The following PNKD variants were observed in gnomAD, a reference collection of about 807,000 sequenced individuals.
PNKD encodes the protein PNKD metallo-beta-lactamase domain containing.
A neutral mutation model predicts 45.3 loss-of-function variants in PNKD; 36 were observed. The ratio of observed to expected loss-of-function variants is 0.80; its 90% CI spans 0.61 to 1.05. PNKD has a LOEUF of 1.05. Ranked by LOEUF, PNKD falls within the 50% of genes least tolerant of loss-of-function variation. The pLI is 0.00. For missense variants in PNKD, 511 were observed against 506.6 expected (o/e 1.01, Z -0.08); for synonymous variants, 197 against 210.1 (o/e 0.94, Z 0.54).
At chr2:218,286,148 C>G (rs917872245) in intron 2 of PNKD, 3 of 152,944 alleles carry the variant, frequency 2.0e-5, no homozygotes, top group African/African-American at 7.2e-5. Flanking sequence ...AAGGTCCCCA[C>G]TGGAAGCCTG....
At chr2:218,279,521 C>T (rs1296859608) in intron 2 of PNKD, 2 of 568,230 alleles carry the variant, frequency 3.5e-6, no homozygotes, top group African/African-American at 3.8e-5. Context: ...TGCACTTCTT[C>T]CTCAGCCCCG....
intron 2 of PNKD, among the ~76,000 whole-genome samples, chr2:218,337,388 G>A (rs574085884): frequency 3.9e-5 from 6 of 152,168 alleles, no homozygotes; most frequent in South Asian, 4.1e-4. Flanking sequence ...TTCTTAATAC[G>A]TGCACATTCT....
intron 2 of PNKD, among the ~76,000 whole-genome samples, chr2:218,297,185 T>C (rs1423505934): frequency 1.3e-5 from 2 of 152,118 alleles, no homozygotes; most frequent in African/African-American, 2.4e-5. Flanking sequence ...GAATGATAGA[T>C]GTGTGGGGGA....
intron 2 of PNKD, among the ~76,000 whole-genome samples, chr2:218,314,791 G>A (rs1378440604): frequency 6.6e-6 from 1 of 151,902 alleles, no homozygotes; most frequent in South Asian, 2.1e-4. Context: ...CTGGGTTCAA[G>A]CGATTTCTTG....
intron 2 of PNKD, among the ~76,000 whole-genome samples, chr2:218,299,636 GAGACA>G: frequency 7.0e-6 from 1 of 143,242 alleles, no homozygotes; most frequent in East Asian, 2.0e-4. Context: ...TTTTTTTTTT[GAGACA>G]GAGTTTTGCT....
At chr2:218,277,814 C>A in intron 2 of PNKD, 2 of 1,540,644 alleles carry the variant, frequency 1.3e-6, no homozygotes, top group East Asian at 2.3e-5. Flanking sequence ...TCAGAACAGG[C>A]GGCCCAGATA....
intron 2 of PNKD, among the ~76,000 whole-genome samples, chr2:218,299,944 A>C (rs1260187160): frequency 6.6e-6 from 1 of 151,920 alleles, no homozygotes; most frequent in African/African-American, 2.4e-5. Flanking sequence ...TTTTGTAAAG[A>C]TGGGGTCTCC....
intron 2 of PNKD, chr2:218,286,002 G>A (rs1175901761): frequency 6.5e-6 from 1 of 154,902 alleles, no homozygotes; most frequent in Non-Finnish European, 1.5e-5. Flanking sequence ...AAGGGTGGAG[G>A]CTAGAGAAGA....
intron 2 of PNKD, chr2:218,275,475 T>G: frequency 4.3e-6 from 7 of 1,612,524 alleles, no homozygotes; most frequent in Non-Finnish European, 5.9e-6. Flanking sequence ...GGCTTGCTCC[T>G]TAATTGCGAT....
intron 2 of PNKD, among the ~76,000 whole-genome samples, chr2:218,309,920 C>T (rs989924471): frequency 4.0e-5 from 6 of 148,936 alleles, no homozygotes; most frequent in Non-Finnish European, 5.9e-5. Context: ...GGCGACAGAG[C>T]GAGATTACGT....
chr2:218,275,993 A>G (rs1691164877), intron 2 of PNKD: 1 of 1,601,084 alleles, frequency 6.2e-7, no homozygotes, highest in South Asian at 1.1e-5. Flanking sequence ...TCATCCCCTC[A>G]GCTCCCCTTC....
intron 2 of PNKD, among the ~76,000 whole-genome samples, chr2:218,281,740 G>A (rs1438187566): frequency 6.6e-6 from 1 of 152,220 alleles, no homozygotes; most frequent in Non-Finnish European, 1.5e-5. Context: ...AACAAAGGGG[G>A]CAGCAAGTGG....
At chr2:218,343,651 C>T in intron 8 of PNKD, 65 bp downstream of exon 8, 1 of 1,219,054 alleles carries the variant, frequency 8.2e-7, no homozygotes. Flanking sequence ...AAGGGCCTTC[C>T]CACCCCCTCA....
intron 2 of PNKD, among the ~76,000 whole-genome samples, chr2:218,313,109 AT>A (rs146265094): frequency 1.8e-4 from 27 of 147,224 alleles, no homozygotes; most frequent in African/African-American, 3.0e-4. Context: ...TCTTTATACA[AT>A]TTTTTTTTTT....
intron 2 of PNKD, among the ~76,000 whole-genome samples, chr2:218,301,426 C>A (rs552729029): frequency 6.6e-6 from 1 of 152,106 alleles, no homozygotes; most frequent in Non-Finnish European, 1.5e-5. Flanking sequence ...GCGGTTGGAA[C>A]AAGCCACAAT....
intron 2 of PNKD, among the ~76,000 whole-genome samples, chr2:218,334,386 A>G (rs1231505042): frequency 1.3e-5 from 2 of 152,128 alleles, no homozygotes; most frequent in Non-Finnish European, 2.9e-5. Flanking sequence ...GGTCTCCTCC[A>G]GTCTGGGACA....
At chr2:218,334,482 C>T (rs978029973) in intron 2 of PNKD, among the ~76,000 whole-genome samples, 1 of 152,078 alleles carries the variant, frequency 6.6e-6, no homozygotes, top group Non-Finnish European at 1.5e-5. Flanking sequence ...GGGCAATCAT[C>T]TCTATACTAA....
At position 218,340,696 on chromosome 2, in the gene PNKD, T is replaced by C; in HGVS notation, c.466-32T>C. On this transcript the variant is annotated intron_variant, in intron 4 of 9. Transcript: ENST00000273077. This position sits in a 1 kb window ranked among gnomAD's most constrained non-coding sequence, Gnocchi z 4.2. Reference sequence around the variant, plus strand: ...GCTTCAAGTGCCTCTTGCATCCTGCTCCCCAGTCTCCAAACCTCCTCTCTC... The same window carrying C: ...GCTTCAAGTGCCTCTTGCATCCTGCCCCCCAGTCTCCAAACCTCCTCTCTC... 3 of 1,577,292 alleles carry C rather than the reference T, an allele frequency of 1.9e-6. No individual in the cohort carries two copies. The highest frequency in any genetic ancestry group is 2.6e-6 in the Non-Finnish European group (3 of 1,146,646).
chr2:218,292,273 C>T (rs961007035), intron 2 of PNKD, among the ~76,000 whole-genome samples: 4 of 152,244 alleles, frequency 2.6e-5, no homozygotes, highest in African/African-American at 9.6e-5. Flanking sequence ...CACCCGCGCG[C>T]CCAGGGAGAG....
Sources: gnomAD v4.1 joint callset for allele counts (sites outside exome capture counted in the v4.1 genomes callset) on GRCh38, gnomAD v4.1.1 for gene constraint, Gnocchi (gnomAD v3.1) non-coding constraint, MANE v1.5 for transcripts, NCBI Gene and HGNC (gene_info 2026-07-23, HGNC 2026-07-21) for gene names.